Variants in IFT88 observed in about 807,000 individuals in gnomAD.
The protein encoded by IFT88 is intraflagellar transport protein 88 homolog.
Under a neutral mutation model 119.5 loss-of-function variants are expected in IFT88, and 74 were observed. That is an observed-to-expected ratio of 0.62 (90% CI 0.51 to 0.75). The LOEUF is 0.75. Ranked by LOEUF, IFT88 falls within the 30% of genes least tolerant of loss-of-function variation. The probability of loss-of-function intolerance (pLI) is 0.00; values close to 1 mark genes in which losing one functional copy is unlikely to be tolerated. For missense variants in IFT88, 961 were observed against 977.7 expected (o/e 0.98, Z 0.23); for synonymous variants, 279 against 316.7 (o/e 0.88, Z 1.26).
chr13:20,664,436 A>T (rs995103757), intron 23 of IFT88, among the ~76,000 whole-genome samples: 13 of 152,176 alleles, frequency 8.5e-5, no homozygotes, highest in African/African-American at 2.9e-4. Flanking sequence ...GCAAGAAGCA[A>T]TTGTGGCACT....
intron 14 of IFT88, among the ~76,000 whole-genome samples, chr13:20,623,424 A>G (rs141574280): frequency 6.4e-4 from 97 of 152,282 alleles, no homozygotes; most frequent in Non-Finnish European, 9.8e-4. Flanking sequence ...TCTTAAATGT[A>G]GTAAGTCTTC....
At position 20,640,297 on chromosome 13, in the gene IFT88, G is replaced by A. The variant is rs190452655; in HGVS notation, c.1574-993G>A. ...TACATTTAAAAAAATTAATGGCCAGGTGTGGTGGCTCATGCCTGTAATCCC... is the reference window on the plus strand; with the variant it reads ...TACATTTAAAAAAATTAATGGCCAGATGTGGTGGCTCATGCCTGTAATCCC... On this transcript the variant is annotated intron_variant, in intron 17 of 25. Coordinates refer to ENST00000351808, the MANE Select transcript of IFT88 (RefSeq NM_006531.5). Among the ~76,000 whole-genome samples, 20 of 151,928 alleles carry A rather than the reference G, an allele frequency of 1.3e-4. 1 individual carries two copies. In the East Asian group the frequency reaches 3.9e-3, roughly 30 times the overall value.
chr13:20,577,921 G>C (rs1233736857), intron 2 of IFT88, among the ~76,000 whole-genome samples: 1 of 151,574 alleles, frequency 6.6e-6, no homozygotes, highest in East Asian at 1.9e-4. Context: ...AATTTGAGTA[G>C]GATTTATATT....
intron 1 of IFT88, among the ~76,000 whole-genome samples, chr13:20,568,179 T>C (rs1453676593): frequency 1.4e-5 from 2 of 143,796 alleles, no homozygotes; most frequent in Non-Finnish European, 3.1e-5. Flanking sequence ...ACCTTTCACT[T>C]AAAAAAAAAA....
rs184376107 is a variant in IFT88, at chr13:20,585,888, G to T, written c.153+2869G>T. 9.6e-4 allele frequency among the ~76,000 whole-genome samples: 146 copies of T among 152,252 alleles called. 1 individual carries two copies. Among genetic ancestry groups the T allele is most frequent in the African/African-American group, 3.3e-3 (136 of 41,530 alleles). On this transcript the variant is annotated intron_variant, in intron 3 of 25. Transcript: ENST00000351808. ...TTCATTACGGGAAGAAAAACCATAGGCTCTGAGTCCTTGCACTAGGCTAGT... is the reference window on the plus strand; with the variant it reads ...TTCATTACGGGAAGAAAAACCATAGTCTCTGAGTCCTTGCACTAGGCTAGT...
At chr13:20,571,559 T>C (rs946976102) in intron 1 of IFT88, among the ~76,000 whole-genome samples, 1 of 152,228 alleles carries the variant, frequency 6.6e-6, no homozygotes, top group Non-Finnish European at 1.5e-5. Context: ...TCTCCCATGC[T>C]TCTGTCCAAG....
At chr13:20,673,611 C>A (rs146912482) in intron 24 of IFT88, among the ~76,000 whole-genome samples, 142 of 152,336 alleles carry the variant, frequency 9.3e-4, no homozygotes, top group Admixed American at 1.7e-3. Context: ...CGGCCAGGGA[C>A]CTCCTCCACG....
chr13:20,598,555 T>G, intron 9 of IFT88, 96 bp from the exon 10 acceptor site: 1 of 634,484 alleles, frequency 1.6e-6, no homozygotes, highest in Admixed American at 2.5e-5. Context: ...TATAAGTAGC[T>G]AACTTTGTTA....
intron 7 of IFT88, among the ~76,000 whole-genome samples, chr13:20,594,866 A>T (rs946688349): frequency 6.6e-6 from 1 of 152,160 alleles, no homozygotes; most frequent in African/African-American, 2.4e-5. Context: ...TGCTCAATTT[A>T]TTTCTATATA....
chr13:20,662,757 A>G (rs111334169), intron 22 of IFT88, among the ~76,000 whole-genome samples: 94 of 152,338 alleles, frequency 6.2e-4, no homozygotes, highest in African/African-American at 2.2e-3. Flanking sequence ...TTTAGCATCT[A>G]TTGCATGTTT....
At chr13:20,586,003 C>T (rs1354245262) in intron 3 of IFT88, among the ~76,000 whole-genome samples, 1 of 152,174 alleles carries the variant, frequency 6.6e-6, no homozygotes, top group African/African-American at 2.4e-5. Flanking sequence ...TCTTTATTGA[C>T]TAACTTAGTA....
intron 18 of IFT88, 47 bp from the exon 19 acceptor site, chr13:20,643,408 C>A (rs764753053): frequency 9.0e-6 from 13 of 1,450,266 alleles, no homozygotes; most frequent in Non-Finnish European, 1.0e-5. Context: ...TTGCTTATTG[C>A]TTAATGAATT....
rs377583644 is a variant in IFT88, at chr13:20,601,818, A to G, written c.926A>G (p.Tyr309Cys). Residue 309 changes from tyrosine (Y) to cysteine (C), a missense_variant, in exon 12 of 26, where the codon TAC becomes TGC. Transcript: ENST00000351808. The part of the protein sequence containing the change: ...MSMAPNLKAG[Y>C]NLTICYFAIG... ...ATGGCACCAAATCTGAAGGCAGGCT[A>G]CAACCTAACTATCTGTTATTTTGCT... The G allele has an allele frequency of 5.0e-6, 8 of 1,613,252 alleles. No homozygotes were observed. Among genetic ancestry groups the G allele is most frequent in the Non-Finnish European group, 5.9e-6 (7 of 1,179,310 alleles).
chr13:20,648,283 C>T (rs879059764), intron 20 of IFT88, among the ~76,000 whole-genome samples: 1 of 152,148 alleles, frequency 6.6e-6, no homozygotes, highest in Non-Finnish European at 1.5e-5. Flanking sequence ...ATAGTCCCAG[C>T]TACTCAGGAG....
At chr13:20,588,677 A>C (rs944586414) in intron 3 of IFT88, among the ~76,000 whole-genome samples, 5 of 152,196 alleles carry the variant, frequency 3.3e-5, no homozygotes, top group Admixed American at 2.6e-4. Context: ...GCAGATATAG[A>C]ACTTTTACAT....
chr13:20,664,524 C>T (rs140828919), intron 23 of IFT88, among the ~76,000 whole-genome samples: 129 of 152,262 alleles, frequency 8.5e-4, no homozygotes, highest in Admixed American at 1.6e-3. Flanking sequence ...TGGTGTGGAC[C>T]AGCCCCTGGA....
rs200522067 is a variant in IFT88, at chr13:20,630,983, A to G, written c.1300-33A>G. The stretch of plus-strand genomic sequence containing the variant: ...ATAAGCTTGAGTACTGTCATATTAC[A>G]GTGGTAGTAACCTTCAGATATTCCA... On this transcript the variant is annotated intron_variant, in intron 15 of 25. Transcript: ENST00000351808. The G allele has an allele frequency of 8.6e-4, 1,050 of 1,220,444 alleles. 8 individuals carry two copies. The African/African-American group carries it at 0.017, about 19-fold the overall frequency. 75.6% of individuals were successfully genotyped at this position (1,220,444 alleles called of 1,614,324 possible).
At chr13:20,585,847 TA>T (rs1376141334) in intron 3 of IFT88, among the ~76,000 whole-genome samples, 1 of 152,260 alleles carries the variant, frequency 6.6e-6, no homozygotes, top group Non-Finnish European at 1.5e-5. Flanking sequence ...ACCCATATTT[TA>T]ATTTTGAAGT....
intron 21 of IFT88, 56 bp from the exon 22 acceptor site, chr13:20,656,309 T>G: frequency 2.7e-6 from 2 of 735,248 alleles, no homozygotes; most frequent in South Asian, 2.4e-5. Flanking sequence ...AATATTTTTC[T>G]GAATCCTGTT....
Sources: gnomAD v4.1 joint callset for allele counts (sites outside exome capture counted in the v4.1 genomes callset) on GRCh38, gnomAD v4.1.1 for gene constraint, MANE v1.5 for transcripts, NCBI Gene and HGNC (gene_info 2026-07-23, HGNC 2026-07-21) for gene names.